IDO2: variants seen among roughly 807,000 people sequenced by gnomAD.
IDO2 encodes the protein indoleamine 2,3-dioxygenase-like 1 protein.
Under a neutral mutation model 45.1 loss-of-function variants are expected in IDO2, and 46 were observed. That is an observed-to-expected ratio of 1.02 (90% CI 0.80 to 1.30). IDO2 has a LOEUF of 1.30. Ranked by LOEUF, IDO2 falls within the 50% of genes most tolerant of loss-of-function variation. The pLI, the probability that IDO2 is intolerant of heterozygous loss-of-function variation, is 0.00. For missense variants in IDO2, 544 were observed against 491.8 expected (o/e 1.11, Z -1.00); for synonymous variants, 218 against 184.9 (o/e 1.18, Z -1.45).
intron 2 of IDO2, among the ~76,000 whole-genome samples, chr8:39,959,960 T>C (rs536381689): frequency 1.3e-5 from 2 of 152,208 alleles, no homozygotes; most frequent in South Asian, 2.1e-4. Context: ...GACTGAGCGA[T>C]AGAGTGAAAC....
At chr8:40,015,856 C>A in exon 11 of IDO2, 1 of 437,488 alleles carries the variant, frequency 2.3e-6, no homozygotes, top group South Asian at 6.8e-5. Context: ...CATGCAGAAC[C>A]CCCAGAGGAG....
chr8:39,987,021 T>A (rs1303119273), intron 6 of IDO2: 1 of 152,154 alleles, frequency 6.6e-6, no homozygotes. Context: ...AGCTAATTTT[T>A]GTATTTTTAG....
chr8:40,005,190 G>A (rs914464267), intron 8 of IDO2, 137 bp from the exon 9 acceptor site: 51 of 493,752 alleles, frequency 1.0e-4, no homozygotes, highest in East Asian at 5.7e-4. Flanking sequence ...TCTATCCCCC[G>A]TTGCTGCAGC....
intron 3 of IDO2, among the ~76,000 whole-genome samples, chr8:39,968,047 G>A (rs1312432285): frequency 1.4e-5 from 2 of 143,106 alleles, no homozygotes; most frequent in Non-Finnish European, 1.5e-5. Context: ...ATCCATATAT[G>A]AATGTTTATA....
intron 2 of IDO2, among the ~76,000 whole-genome samples, chr8:39,961,019 G>A (rs1024556539): frequency 1.3e-4 from 20 of 152,136 alleles, no homozygotes; most frequent in African/African-American, 7.2e-5. Context: ...TCCTGACCTC[G>A]TGATCTGCCT....
chr8:39,943,008 G>T (rs1049089956), intron 1 of IDO2, among the ~76,000 whole-genome samples: 8 of 152,134 alleles, frequency 5.3e-5, no homozygotes, highest in African/African-American at 1.7e-4. Context: ...CATTTAGGAG[G>T]CATAAGATGC....
At chr8:39,939,439 C>T (rs1448019424) in intron 1 of IDO2, among the ~76,000 whole-genome samples, 3 of 147,606 alleles carry the variant, frequency 2.0e-5, no homozygotes, top group Non-Finnish European at 3.0e-5. Flanking sequence ...CCCAGTTACT[C>T]GGGAGGCTGA....
intron 3 of IDO2, among the ~76,000 whole-genome samples, chr8:39,975,177 T>G (rs1808241676): frequency 6.6e-6 from 1 of 151,732 alleles, no homozygotes; most frequent in South Asian, 2.1e-4. Flanking sequence ...TTTTGTTTTT[T>G]TTTTTTGTGA....
intron 1 of IDO2, among the ~76,000 whole-genome samples, chr8:39,938,720 A>G (rs1807594257): frequency 6.6e-6 from 1 of 152,234 alleles, no homozygotes; most frequent in Non-Finnish European, 1.5e-5. Context: ...AAATATACAA[A>G]TAATTCTTAA....
At position 39,990,924 on chromosome 8, in the gene IDO2, T is replaced by C. The variant is rs141559737; in HGVS notation, c.667+1086T>C. Among the ~76,000 whole-genome samples the C allele has an allele frequency of 8.6e-3, 1,311 of 152,304 alleles. 12 individuals carry two copies. Among genetic ancestry groups the C allele is most frequent in the South Asian group, 0.023 (110 of 4,824 alleles). On this transcript the variant is annotated intron_variant, in intron 8 of 10. Coordinates refer to ENST00000502986, the Ensembl canonical transcript of IDO2. ...CTCTCAGAGGAATCTGAAGAATGTA[T>C]GTGTTTAGGAGGATGTGAGAGAGGG...
intron 1 of IDO2, among the ~76,000 whole-genome samples, chr8:39,943,920 G>C (rs145690872): frequency 6.6e-6 from 1 of 152,040 alleles, no homozygotes; most frequent in Non-Finnish European, 1.5e-5. Context: ...ATTGAGAATG[G>C]CTCGAGAGGT....
intron 1 of IDO2, among the ~76,000 whole-genome samples, chr8:39,937,798 G>A (rs754143539): frequency 2.0e-5 from 3 of 152,132 alleles, no homozygotes; most frequent in Non-Finnish European, 4.4e-5. Flanking sequence ...TGGGATTACA[G>A]GTGTGAGCAA....
At chr8:39,964,823 A>G (rs1444746379) in intron 3 of IDO2, among the ~76,000 whole-genome samples, 2 of 152,272 alleles carry the variant, frequency 1.3e-5, no homozygotes, top group East Asian at 1.9e-4. Flanking sequence ...ATAAAAATTT[A>G]AAGGATTTTT....
At chr8:39,951,247 T>C (rs188024700) in intron 2 of IDO2, among the ~76,000 whole-genome samples, 10 of 150,250 alleles carry the variant, frequency 6.7e-5, no homozygotes, top group Admixed American at 5.4e-4. Flanking sequence ...CCAAAATTAC[T>C]GCAATGACTG....
At chr8:39,986,653 AT>A (rs954493541) in intron 6 of IDO2, among the ~76,000 whole-genome samples, 1 of 150,992 alleles carries the variant, frequency 6.6e-6, no homozygotes, top group Non-Finnish European at 1.5e-5. Flanking sequence ...TCCAGATCCC[AT>A]TCGATTGTAC....
chr8:40,009,045 C>T (rs528172581), intron 9 of IDO2, among the ~76,000 whole-genome samples: 54 of 152,058 alleles, frequency 3.6e-4, no homozygotes, highest in African/African-American at 1.2e-3. Flanking sequence ...ATGGAGGTCT[C>T]GCTTTGTCGC....
Position 40,001,348 on chromosome 8 carries a change from C to T in IDO2, c.668-3979C>T, listed in dbSNP as rs528845013. On this transcript the variant is annotated intron_variant, in intron 8 of 10. Transcript: ENST00000502986. The stretch of plus-strand genomic sequence containing the variant: ...CACCACAACCTCCACTTCCTGGGTT[C>T]GAGCAATTCTCCTGCCTCAGCCTTC... Among the ~76,000 whole-genome samples, 31 of 144,174 alleles carry T rather than the reference C, an allele frequency of 2.2e-4. No individual in the cohort carries two copies. In the South Asian group the frequency reaches 3.3e-3, roughly 16 times the overall value. The allele number at this position is 144,174 out of a possible 152,430, so 94.6% of individuals were successfully genotyped here.
At chr8:39,974,980 G>A (rs1437802956) in intron 3 of IDO2, among the ~76,000 whole-genome samples, 1 of 151,904 alleles carries the variant, frequency 6.6e-6, no homozygotes, top group East Asian at 1.9e-4. Flanking sequence ...GTGGTGGCAT[G>A]AGCCTGTAAT....
In IDO2 at chr8:39,979,014, C is replaced by T. The variant is rs977821778; in HGVS notation, c.196-53C>T. The T allele has an allele frequency of 2.1e-5, 33 of 1,545,526 alleles. 1 individual carries two copies. In the Admixed American group the frequency reaches 4.1e-4, roughly 19 times the overall value. On this transcript the variant is annotated intron_variant, in intron 3 of 10. Coordinates refer to ENST00000502986, the Ensembl canonical transcript of IDO2. Reference sequence around the variant, plus strand: ...CCAGGTCCCCGGCCCCCGTTACCTCCCCTGTCCCGGTTCCCATCCCTCCTC... The same window carrying T: ...CCAGGTCCCCGGCCCCCGTTACCTCTCCTGTCCCGGTTCCCATCCCTCCTC...
Sources: allele counts gnomAD v4.1 joint callset (sites outside exome capture counted in the v4.1 genomes callset), GRCh38; gene constraint gnomAD v4.1.1; transcripts MANE v1.5; gene names NCBI Gene and HGNC (gene_info 2026-07-23, HGNC 2026-07-21).